PDE6C: variants seen among roughly 807,000 people sequenced by gnomAD.
The protein encoded by PDE6C is cone cGMP-specific 3',5'-cyclic phosphodiesterase subunit alpha'.
PDE6C carries 75 observed loss-of-function variants against 113.1 expected under a neutral mutation model. The ratio of observed to expected loss-of-function variants is 0.66; its 90% CI spans 0.55 to 0.80. The LOEUF (loss-of-function observed/expected upper bound fraction) is 0.80. Ranked by LOEUF, PDE6C falls within the 30% of genes least tolerant of loss-of-function variation. The pLI is 0.00. For missense variants in PDE6C, 912 were observed against 1,038.6 expected (o/e 0.88, Z 1.67); for synonymous variants, 375 against 363.7 (o/e 1.03, Z -0.35).
chr10:93,616,281 G>A (rs990904302), intron 1 of PDE6C, among the ~76,000 whole-genome samples: 2 of 152,094 alleles, frequency 1.3e-5, no homozygotes, highest in African/African-American at 2.4e-5. Flanking sequence ...CAGTGTGGGC[G>A]CAGGTGAGGG....
In PDE6C at chr10:93,619,215, G is replaced by A. The variant is rs117055191; in HGVS notation, c.481-1417G>A. 1.3e-3 allele frequency among the ~76,000 whole-genome samples: 200 copies of A among 152,238 alleles called. No homozygotes were observed. In the East Asian group the frequency reaches 0.017, roughly 13 times the overall value. Reference sequence around the variant, plus strand: ...CATTACTCAGCCTCTGCTATGGCCAGTGGATTAGAATTATCTCTCGAATCT... The same window carrying A: ...CATTACTCAGCCTCTGCTATGGCCAATGGATTAGAATTATCTCTCGAATCT... On this transcript the variant is annotated intron_variant, in intron 1 of 21. Transcript: ENST00000371447.
chr10:93,619,461 T>C (rs950677141), intron 1 of PDE6C, among the ~76,000 whole-genome samples: 1 of 152,184 alleles, frequency 6.6e-6, no homozygotes, highest in African/African-American at 2.4e-5. Flanking sequence ...AGTTTTGCTC[T>C]TGTTGCCCAG....
chr10:93,625,538 A>G (rs976317552), intron 4 of PDE6C, 37 bp from the exon 5 acceptor site: 1 of 1,306,500 alleles, frequency 7.7e-7, no homozygotes, highest in Admixed American at 1.7e-5. Context: ...GTCATGGAAC[A>G]GTGTGTTTAA....
At chr10:93,614,388 G>T (rs888675002) in intron 1 of PDE6C, among the ~76,000 whole-genome samples, 1 of 152,168 alleles carries the variant, frequency 6.6e-6, no homozygotes, top group East Asian at 1.9e-4. Context: ...GCCTGGTAGG[G>T]CTTCAGTCCT....
intron 14 of PDE6C, among the ~76,000 whole-genome samples, chr10:93,643,136 T>C (rs1486972278): frequency 6.6e-6 from 1 of 152,122 alleles, no homozygotes; most frequent in African/African-American, 2.4e-5. Context: ...GGTACTAGTA[T>C]CCCCCACTTT....
intron 4 of PDE6C, among the ~76,000 whole-genome samples, chr10:93,623,327 A>G (rs915939022): frequency 2.6e-5 from 4 of 152,182 alleles, no homozygotes; most frequent in African/African-American, 4.8e-5. Flanking sequence ...TTATCATTCA[A>G]TTGTAAGAGT....
chr10:93,643,550 G>C (rs1443446115), intron 14 of PDE6C, among the ~76,000 whole-genome samples: 1 of 151,886 alleles, frequency 6.6e-6, no homozygotes, highest in African/African-American at 2.4e-5. Flanking sequence ...TACCATGCCT[G>C]GCTAACTTTT....
chr10:93,624,936 C>A (rs2058466566), intron 4 of PDE6C, among the ~76,000 whole-genome samples: 1 of 152,176 alleles, frequency 6.6e-6, no homozygotes, highest in African/African-American at 2.4e-5. Flanking sequence ...CATGACACAA[C>A]TGGGAGGCAT....
At chr10:93,641,861 G>A (rs1240011186) in intron 14 of PDE6C, among the ~76,000 whole-genome samples, 1 of 152,140 alleles carries the variant, frequency 6.6e-6, no homozygotes, top group Non-Finnish European at 1.5e-5. Context: ...CCCAAGAAAG[G>A]AAGTACAATA....
At chr10:93,659,043 T>C (rs767164154) in intron 17 of PDE6C, 35 bp downstream of exon 17, 1 of 1,579,954 alleles carries the variant, frequency 6.3e-7, no homozygotes, top group Admixed American at 1.7e-5. Flanking sequence ...CTCTTGTTTT[T>C]TGTAAAAATA....
intron 20 of PDE6C, among the ~76,000 whole-genome samples, 154 bp from the exon 21 acceptor site, chr10:93,662,874 G>C (rs116390299): frequency 6.6e-6 from 1 of 152,124 alleles, no homozygotes; most frequent in Admixed American, 6.5e-5. Flanking sequence ...AAGACAGCAC[G>C]TGTCTCTTTC....
In PDE6C at chr10:93,634,912, G is replaced by A. The variant is rs772729811; in HGVS notation, c.1269+5G>A. On this transcript the variant is annotated splice_donor_5th_base_variant and intron_variant, in intron 9 of 21. Coordinates refer to ENST00000371447, the MANE Select transcript of PDE6C (RefSeq NM_006204.4). The stretch of plus-strand genomic sequence containing the variant: ...CATGATGAATACATTACCGAGGCAA[G>A]TGCAATAATAAGATAATGGAAGTCA... 1.9e-6 allele frequency: 3 copies of A among 1,613,780 alleles called. No homozygotes were observed. The highest frequency in any genetic ancestry group is 2.7e-5 in the African/African-American group (2 of 74,906).
chr10:93,648,288 G>A (rs1389687359), intron 15 of PDE6C, among the ~76,000 whole-genome samples: 2 of 151,950 alleles, frequency 1.3e-5, no homozygotes, highest in African/African-American at 4.8e-5. Flanking sequence ...ATCTTTTCAA[G>A]GACCTCTCTG....
chr10:93,624,374 G>A (rs949860587), intron 4 of PDE6C, among the ~76,000 whole-genome samples: 1 of 152,000 alleles, frequency 6.6e-6, no homozygotes, highest in African/African-American at 2.4e-5. Flanking sequence ...CAGTAGCTGG[G>A]ATTATAGGCC....
At chr10:93,638,609 C>T (rs915974416) in intron 11 of PDE6C, among the ~76,000 whole-genome samples, 7 of 152,234 alleles carry the variant, frequency 4.6e-5, no homozygotes, top group Non-Finnish European at 8.8e-5. Flanking sequence ...CCTAAAAAAC[C>T]AGCCTATTTT....
intron 18 of PDE6C, among the ~76,000 whole-genome samples, chr10:93,659,913 A>G (rs1352494707): frequency 6.6e-6 from 1 of 152,206 alleles, no homozygotes; most frequent in Non-Finnish European, 1.5e-5. Flanking sequence ...AATTATAAGA[A>G]GGCACTGACT....
intron 18 of PDE6C, among the ~76,000 whole-genome samples, chr10:93,660,407 G>A (rs1050165195): frequency 4.6e-5 from 7 of 152,092 alleles, no homozygotes; most frequent in Non-Finnish European, 1.0e-4. Flanking sequence ...TAGCAAGGCC[G>A]ATTTGTTCAG....
chr10:93,637,557 T>C (rs2058539676), intron 11 of PDE6C, among the ~76,000 whole-genome samples: 1 of 152,338 alleles, frequency 6.6e-6, no homozygotes, highest in African/African-American at 2.4e-5. Context: ...CTTCACTAAT[T>C]CTGTCTTTTG....
At chr10:93,631,168 C>T (rs1339151765) in intron 8 of PDE6C, among the ~76,000 whole-genome samples, 1 of 152,228 alleles carries the variant, frequency 6.6e-6, no homozygotes, top group African/African-American at 2.4e-5. Flanking sequence ...TCCCCGGGGC[C>T]TTGGGGAGTC....
Sources: allele counts gnomAD v4.1 joint callset (sites outside exome capture counted in the v4.1 genomes callset), GRCh38; gene constraint gnomAD v4.1.1; transcripts MANE v1.5; gene names NCBI Gene and HGNC (gene_info 2026-07-23, HGNC 2026-07-21).